GPC3: variants seen among roughly 807,000 people sequenced by gnomAD.
The protein encoded by GPC3 is glypican 3, also known as glypican-3.
A neutral mutation model predicts 34.4 loss-of-function variants in GPC3; 3 were observed. That is an observed-to-expected ratio of 0.09 (90% CI 0.04 to 0.23). The LOEUF is 0.23. Ranked by LOEUF, GPC3 falls within the 10% of genes least tolerant of loss-of-function variation. GPC3 has a pLI of 1.00. For synonymous variants in GPC3, 177 were observed against 174.0 expected, an observed-to-expected ratio of 1.02 and a Z score of -0.13; for missense variants, 351 against 445.6, an observed-to-expected ratio of 0.79 and a Z score of 1.91.
At chrX:133,980,764 T>G (rs1157036734) in intron 1 of GPC3, among the ~76,000 whole-genome samples, 1 of 112,400 alleles carries the variant, frequency 8.9e-6, no homozygotes, top group Non-Finnish European at 1.9e-5. Flanking sequence ...GAAGTTGGCG[T>G]GGTCATTGAT....
At chrX:133,579,344 T>C (rs928914744) in intron 7 of GPC3, among the ~76,000 whole-genome samples, 5 of 112,099 alleles carry the variant, frequency 4.5e-5, no homozygotes, top group Admixed American at 9.4e-5. Context: ...TAGGAACTTC[T>C]ATGGGCAGGT....
At chrX:133,785,710 C>T (rs1356330315) in intron 2 of GPC3, among the ~76,000 whole-genome samples, 2 of 111,781 alleles carry the variant, frequency 1.8e-5, no homozygotes, top group East Asian at 5.6e-4. Flanking sequence ...TTGGCAATGC[C>T]TCTGAAAGAT....
intron 2 of GPC3, among the ~76,000 whole-genome samples, chrX:133,765,943 G>A (rs973969089): frequency 9.0e-6 from 1 of 111,530 alleles, no homozygotes; most frequent in African/African-American, 3.3e-5. Context: ...TACTTAACAA[G>A]TACTAACTGA....
intron 2 of GPC3, among the ~76,000 whole-genome samples, chrX:133,951,774 A>AC (rs746986621): frequency 1.8e-5 from 2 of 111,466 alleles, no homozygotes; most frequent in African/African-American, 6.5e-5. Context: ...TCAACCTAAT[A>AC]CCCCCTGAGG....
chrX:133,754,254 A>T, intron 2 of GPC3, 78 bp from the exon 3 acceptor site: 2 of 755,758 alleles, frequency 2.6e-6, no homozygotes, highest in Non-Finnish European at 4.0e-6. Flanking sequence ...AATGAATTTG[A>T]GACTTCTCTA....
intron 6 of GPC3, among the ~76,000 whole-genome samples, chrX:133,600,101 C>T (rs1441618723): frequency 9.0e-6 from 1 of 111,576 alleles, no homozygotes; most frequent in Non-Finnish European, 1.9e-5. Context: ...TGTGAGCTGC[C>T]CAGGGGTTTA....
intron 3 of GPC3, among the ~76,000 whole-genome samples, chrX:133,710,929 C>T (rs1308299149): frequency 8.9e-6 from 1 of 112,071 alleles, no homozygotes; most frequent in Non-Finnish European, 1.9e-5. Flanking sequence ...ATTATTTAAC[C>T]ATGTGAAACC....
intron 5 of GPC3, among the ~76,000 whole-genome samples, chrX:133,681,568 A>G (rs919265396): frequency 1.8e-5 from 2 of 112,538 alleles, no homozygotes; most frequent in Admixed American, 1.9e-4. Context: ...CTGTGCCAGT[A>G]GCAGCAAAGA....
chrX:133,553,555 C>T (rs2069456001), intron 7 of GPC3, among the ~76,000 whole-genome samples: 1 of 111,661 alleles, frequency 9.0e-6, no homozygotes, highest in Admixed American at 9.5e-5. Flanking sequence ...GCAAATCAGA[C>T]AATAAGCTAA....
At chrX:133,650,571 G>C (rs1383125532) in intron 6 of GPC3, among the ~76,000 whole-genome samples, 1 of 110,694 alleles carries the variant, frequency 9.0e-6, no homozygotes, top group Non-Finnish European at 1.9e-5. Flanking sequence ...GTTGAAGGTT[G>C]GCTAGATATA....
chrX:133,721,022 C>A (rs2071359936), intron 3 of GPC3, among the ~76,000 whole-genome samples: 1 of 108,461 alleles, frequency 9.2e-6, no homozygotes, highest in African/African-American at 3.4e-5. Context: ...ACCTGTTCCC[C>A]AAAAACTATT....
intron 2 of GPC3, among the ~76,000 whole-genome samples, chrX:133,908,522 A>G (rs778685881): frequency 3.2e-4 from 36 of 111,839 alleles, no homozygotes; most frequent in Middle Eastern, 4.6e-3. Context: ...GTCTAAACCG[A>G]GGCTTAAAGT....
In GPC3 at chrX:133,653,509, T is replaced by C. The variant is rs2267502; in HGVS notation, c.1413+8221A>G. Among the ~76,000 whole-genome samples the C allele has an allele frequency of 2.2e-3, 243 of 111,515 alleles. 5 individuals are homozygous for C. In the East Asian group the frequency reaches 0.065, roughly 30 times the overall value. Reference sequence around the variant, plus strand: ...CAGGGGATGAGACTGAAAGGATGACTGACCCTGAATGAGAACAGGAGCCTG... The same window carrying C: ...CAGGGGATGAGACTGAAAGGATGACCGACCCTGAATGAGAACAGGAGCCTG... On this transcript the variant is annotated intron_variant, in intron 6 of 7. Coordinates refer to ENST00000370818, the MANE Select transcript of GPC3 (RefSeq NM_004484.4).
intron 2 of GPC3, among the ~76,000 whole-genome samples, chrX:133,909,870 T>C (rs2076189308): frequency 9.0e-6 from 1 of 111,701 alleles, no homozygotes; most frequent in Admixed American, 9.5e-5. Flanking sequence ...GACCATACTA[T>C]GACGCAAACA....
intron 2 of GPC3, among the ~76,000 whole-genome samples, chrX:133,940,199 G>A (rs1360869536): frequency 2.7e-5 from 3 of 111,666 alleles, no homozygotes; most frequent in African/African-American, 9.8e-5. Flanking sequence ...GGAATTTGAA[G>A]CCTTCTGCCA....
At chrX:133,879,965 C>A (rs2213741) in intron 2 of GPC3, among the ~76,000 whole-genome samples, 2,052 of 111,765 alleles carry the variant, frequency 0.018, 135 homozygotes, top group Admixed American at 0.18. Context: ...TTCTATACAA[C>A]CCCCTAAAAC....
intron 6 of GPC3, among the ~76,000 whole-genome samples, chrX:133,601,373 C>A (rs1053916585): frequency 2.2e-4 from 24 of 111,571 alleles, no homozygotes; most frequent in African/African-American, 7.2e-4. Context: ...GACTTGAGTT[C>A]GAACGCTACT....
At chrX:133,784,547 A>C (rs1003860209) in intron 2 of GPC3, among the ~76,000 whole-genome samples, 2 of 111,697 alleles carry the variant, frequency 1.8e-5, no homozygotes, top group African/African-American at 3.3e-5. Flanking sequence ...CATCCCCCTA[A>C]ATGGCACTGT....
At chrX:133,980,717 T>G (rs764214923) in intron 1 of GPC3, among the ~76,000 whole-genome samples, 1 of 112,425 alleles carries the variant, frequency 8.9e-6, no homozygotes, top group Non-Finnish European at 1.9e-5. Context: ...ATAAGATAAC[T>G]CTTAAGACCC....
Sources: allele counts gnomAD v4.1 joint callset (sites outside exome capture counted in the v4.1 genomes callset), GRCh38; gene constraint gnomAD v4.1.1; transcripts MANE v1.5; gene names NCBI Gene and HGNC (gene_info 2026-07-23, HGNC 2026-07-21).